FADS6: variants seen among roughly 807,000 people sequenced by gnomAD.
The protein encoded by FADS6 is fatty acid desaturase domain family, member 6.
FADS6 carries 28 observed loss-of-function variants against 31.7 expected under a neutral mutation model. The observed-to-expected ratio is 0.88, with a 90% CI of 0.66 to 1.21. The LOEUF is 1.21. Ranked by LOEUF, FADS6 falls within the 50% of genes most tolerant of loss-of-function variation. FADS6 has a pLI of 0.00. For synonymous variants in FADS6, 191 were observed against 213.1 expected, an observed-to-expected ratio of 0.90 and a Z score of 0.90; for missense variants, 494 against 504.2, an observed-to-expected ratio of 0.98 and a Z score of 0.19.
Position 74,893,607 on chromosome 17 carries a change from G to GTTCCATGGA in FADS6, c.-13_-12insTCCATGGAA. The GTTCCATGGA allele has an allele frequency of 1.5e-6, 2 of 1,348,318 alleles. No homozygotes were observed. Among genetic ancestry groups the GTTCCATGGA allele is most frequent in the Non-Finnish European group, 1.9e-6 (2 of 1,042,452 alleles). The allele number at this position is 1,348,318 out of a possible 1,614,324, so 83.5% of individuals were successfully genotyped here. On this transcript the variant is annotated 5_prime_UTR_variant, in exon 1 of 6. In the 5' UTR this introduces an upstream ATG that the reference lacks. Coordinates refer to ENST00000612771, the MANE Select transcript of FADS6 (RefSeq NM_178128.6). ...TCCGTGGGTTCCATGGACTCTGTGG[G>GTTCCATGGA]CTCGGGCCCGACGCGCACGGAGGAC...
chr17:74,879,079 A>AC (rs113239260), intron 5 of FADS6: 11,865 of 198,048 alleles, frequency 0.06, 1,359 homozygotes, highest in African/African-American at 0.27. Flanking sequence ...TTACTCTGTC[A>AC]CCAGGCTGGA....
chr17:74,885,071 G>A (rs1340692026), intron 2 of FADS6, among the ~76,000 whole-genome samples: 2 of 151,994 alleles, frequency 1.3e-5, no homozygotes, highest in Non-Finnish European at 2.9e-5. Context: ...AGGGGATACT[G>A]CCAAACCATT....
downstream of FADS6, among the ~76,000 whole-genome samples, chr17:74,875,049 TC>T (rs1220476852): frequency 6.6e-6 from 1 of 152,182 alleles, no homozygotes; most frequent in Non-Finnish European, 1.5e-5. Context: ...TAATGGAAGT[TC>T]GTACAATCGA....
At position 74,877,711 on chromosome 17, in the gene FADS6, AACACACTC is replaced by A; in HGVS notation, c.*612_*619del. The A allele has an allele frequency of 1.0e-6, 1 of 985,490 alleles. No homozygotes were observed. Among genetic ancestry groups the A allele is most frequent in the Non-Finnish European group, 1.2e-6 (1 of 830,036 alleles). 61.0% of individuals were successfully genotyped at this position (985,490 alleles called of 1,614,324 possible). On this transcript the variant is annotated 3_prime_UTR_variant, in exon 6 of 6. Coordinates refer to ENST00000612771, the MANE Select transcript of FADS6 (RefSeq NM_178128.6). ...TTCCCCTGGAGTTCCCTCCCGACAA[AACACACTC>A]ACTTTTATCTTGCTGATACTGTGGC...
intron 2 of FADS6, among the ~76,000 whole-genome samples, chr17:74,888,260 A>T (rs1329365864): frequency 6.6e-6 from 1 of 152,060 alleles, no homozygotes; most frequent in South Asian, 2.1e-4. Context: ...TGAAGGCTAC[A>T]CCAGACCTCT....
chr17:74,880,823 C>T (rs140294046), intron 4 of FADS6, among the ~76,000 whole-genome samples: 32 of 152,310 alleles, frequency 2.1e-4, no homozygotes, highest in African/African-American at 7.7e-4. Context: ...TAGTGCCTGG[C>T]AGAGGAAGCA....
Position 74,882,612 on chromosome 17 carries a change from C to T in FADS6, c.510G>A (p.Trp170Ter), listed in dbSNP as rs763385048. The T allele has an allele frequency of 2.5e-6, 4 of 1,611,612 alleles. No homozygotes were observed. In the Admixed American group the frequency reaches 5.0e-5, roughly 20 times the overall value. Residue 170 changes from tryptophan (W) to a stop codon, truncating the protein, a stop_gained, in exon 3 of 6, where the codon TGG (tryptophan) becomes TGA (stop). Transcript: ENST00000612771. LOFTEE classifies it high-confidence loss of function. ...CATAGCGGTTGAGGCAAGGCAGCCTCCACGTGCTGGAGTCCCCCAGGCCCA... is the reference window on the plus strand; with the variant it reads ...CATAGCGGTTGAGGCAAGGCAGCCTTCACGTGCTGGAGTCCCCCAGGCCCA... ...NVVGLGDSST[W>*]RLPCLNRYVY...
Position 74,877,615 on chromosome 17 carries a change from G to A in FADS6, c.*716C>T. On this transcript the variant is annotated 3_prime_UTR_variant, in exon 6 of 6. Transcript: ENST00000612771. ...CCCAAAGTGCTGGGATTACAGGCAT[G>A]AGCCACCGCCCCTGGCTGGCTATTT... The A allele has an allele frequency of 1.1e-6, 1 of 905,132 alleles. No individual in the cohort carries two copies. Among genetic ancestry groups the A allele is most frequent in the East Asian group, 1.2e-4 (1 of 8,372 alleles). 56.1% of individuals were successfully genotyped at this position (905,132 alleles called of 1,614,324 possible).
chr17:74,878,586 C>T, intron 5 of FADS6, 109 bp from the exon 6 acceptor site: 1 of 1,370,674 alleles, frequency 7.3e-7, no homozygotes, highest in Non-Finnish European at 1.0e-6. Flanking sequence ...TTCCTATCGG[C>T]CTTGTTCCAA....
At chr17:74,887,966 G>A (rs528196262) in intron 2 of FADS6, among the ~76,000 whole-genome samples, 7 of 152,292 alleles carry the variant, frequency 4.6e-5, no homozygotes, top group East Asian at 1.9e-4. Context: ...GATTACAGGC[G>A]TGAGCCACTG....
chr17:74,878,469 G>A lies in FADS6; in HGVS notation c.969C>T (p.Pro323=), dbSNP rs776628265. Residue 323 remains proline, a synonymous_variant, in exon 6 of 6, where the codon CCC becomes CCT. Transcript: ENST00000612771. ...TCTCACGTAGGAACTGGGACACCAC[G>A]GGCTTCACCTGGTGGAAGATGGGCA... The part of the protein sequence containing the change: ...LSDNMCLKVK[P]VVSQFLREKQ... The A allele has an allele frequency of 1.1e-5, 18 of 1,613,892 alleles. No individual in the cohort carries two copies. Among genetic ancestry groups the A allele is most frequent in the African/African-American group, 1.3e-5 (1 of 75,072 alleles).
rs562140263 is a variant in FADS6 at position 74,881,617 on chromosome 17, G to A, written c.593-362C>T. On this transcript the variant is annotated intron_variant, in intron 3 of 5. Coordinates refer to ENST00000612771, the MANE Select transcript of FADS6 (RefSeq NM_178128.6). ...AGGAGGAGCCTGGCCTCCCAAGCTC[G>A]GGTGATCCTTCCACTTCAGCCCCCT... Among the ~76,000 whole-genome samples, 10 of 152,090 alleles carry A rather than the reference G, an allele frequency of 6.6e-5. No individual in the cohort carries two copies. The South Asian group carries it at 8.3e-4, about 13-fold the overall frequency.
chr17:74,889,000 A>G (rs141706001), intron 2 of FADS6, among the ~76,000 whole-genome samples: 3 of 152,292 alleles, frequency 2.0e-5, no homozygotes, highest in African/African-American at 7.2e-5. Context: ...GCAGGAGAGA[A>G]GGTCAGGGTT....
chr17:74,878,352 G>A lies in FADS6; in HGVS notation c.1086C>T (p.Ile362=). The change falls in exon 6 of 6, where the codon ATC becomes ATT. Residue 362 remains isoleucine (I), a synonymous_variant. Coordinates refer to ENST00000612771, the MANE Select transcript of FADS6 (RefSeq NM_178128.6). ...CTCATTACAGCCCCACAAGCTCAGTGATGGGTGGGGCCTGCACCATGAATT... is the reference window on the plus strand; with the variant it reads ...CTCATTACAGCCCCACAAGCTCAGTAATGGGTGGGGCCTGCACCATGAATT... ...YEEFMVQAPP[I]TELVGL 1 of 1,613,798 alleles carries A rather than the reference G, an allele frequency of 6.2e-7. No homozygotes were observed.
chr17:74,875,202 CT>C (rs2038500899), downstream of FADS6, among the ~76,000 whole-genome samples: 1 of 152,166 alleles, frequency 6.6e-6, no homozygotes, highest in Non-Finnish European at 1.5e-5. Flanking sequence ...CTCTCCAGGA[CT>C]TTTTTTCACT....
chr17:74,888,121 A>G (rs2038643270), intron 2 of FADS6, among the ~76,000 whole-genome samples: 1 of 145,550 alleles, frequency 6.9e-6, no homozygotes. Flanking sequence ...GGTGGAGCTG[A>G]GACACCACAC....
chr17:74,881,344 C>T, intron 3 of FADS6, 89 bp from the exon 4 acceptor site: 4 of 1,276,550 alleles, frequency 3.1e-6, no homozygotes, highest in Non-Finnish European at 4.2e-6. Context: ...TGGCGGAGGC[C>T]AGGCGTGTTC....
At chr17:74,890,396 G>A (rs1254204930) in intron 2 of FADS6, among the ~76,000 whole-genome samples, 2 of 152,160 alleles carry the variant, frequency 1.3e-5, no homozygotes, top group Non-Finnish European at 2.9e-5. Context: ...GTAGCTGGAG[G>A]GCACCTGTGG....
chr17:74,888,164 G>C, intron 2 of FADS6, among the ~76,000 whole-genome samples: 1 of 149,908 alleles, frequency 6.7e-6, no homozygotes, highest in Admixed American at 6.6e-5. Flanking sequence ...ACGCGCGCGC[G>C]CGCGCGCGCA....
Sources: allele counts gnomAD v4.1 joint callset (sites outside exome capture counted in the v4.1 genomes callset), GRCh38; gene constraint gnomAD v4.1.1; transcripts MANE v1.5; gene names NCBI Gene and HGNC (gene_info 2026-07-23, HGNC 2026-07-21).